HIVEP2: variants seen among roughly 807,000 people sequenced by gnomAD.
HIVEP2 encodes the protein transcription factor HIVEP2.
Under a neutral mutation model 180.7 loss-of-function variants are expected in HIVEP2, and 14 were observed. The observed-to-expected ratio is 0.08, with a 90% CI of 0.05 to 0.12. The LOEUF (loss-of-function observed/expected upper bound fraction) is 0.12. Among genes scored for constraint, HIVEP2 ranks in the 10% least tolerant of loss-of-function variants. The pLI, the probability that HIVEP2 is intolerant of heterozygous loss-of-function variation, is 1.00. For missense variants in HIVEP2, 2,579 were observed against 3,008.5 expected (o/e 0.86, Z 3.34); for synonymous variants, 1,184 against 1,136.4 (o/e 1.04, Z -0.84).
chr6:142,944,039 C>CA (rs1778242024), intron 1 of HIVEP2, among the ~76,000 whole-genome samples: 2 of 152,174 alleles, frequency 1.3e-5, no homozygotes, highest in African/African-American at 4.8e-5. Context: ...ACAAGCTTTC[C>CA]CGTTAGGGAA....
intron 1 of HIVEP2, among the ~76,000 whole-genome samples, chr6:142,942,418 C>T (rs1355558382): frequency 6.6e-6 from 1 of 152,136 alleles, no homozygotes; most frequent in Non-Finnish European, 1.5e-5. Flanking sequence ...GACACATGCA[C>T]CATTACTCCA....
chr6:142,846,833 A>G (rs1396277744), intron 1 of HIVEP2, among the ~76,000 whole-genome samples: 1 of 152,232 alleles, frequency 6.6e-6, no homozygotes, highest in Non-Finnish European at 1.5e-5. Context: ...TAAGAGTGTA[A>G]AAGAAATATC....
chr6:142,831,136 G>A (rs892418229), intron 2 of HIVEP2, among the ~76,000 whole-genome samples: 5 of 152,152 alleles, frequency 3.3e-5, no homozygotes, highest in Non-Finnish European at 7.4e-5. Context: ...AGGGTCGAGG[G>A]TCCTAAGAAA....
At chr6:142,904,375 A>G (rs1206947712) in intron 1 of HIVEP2, among the ~76,000 whole-genome samples, 2 of 152,222 alleles carry the variant, frequency 1.3e-5, no homozygotes, top group Admixed American at 6.5e-5. Context: ...AGTGTCACAT[A>G]TACTTTCCTT....
rs143252310 is a variant in HIVEP2 at position 142,875,342 on chromosome 6, G to A, written c.-640-38295C>T. Among the ~76,000 whole-genome samples the A allele has an allele frequency of 3.9e-5, 6 of 152,298 alleles. No homozygotes were observed. In the East Asian group the frequency reaches 1.2e-3, roughly 29 times the overall value. ...TGGAACCTATCTGGGAATGGGGTGT[G>A]TAGAGGAAAATGAGCCCAGAGAAGC... is the stretch of plus-strand genomic sequence containing the variant. On this transcript the variant is annotated intron_variant, in intron 1 of 9. Coordinates refer to ENST00000367603, the MANE Select transcript of HIVEP2 (RefSeq NM_006734.4).
chr6:142,756,451 A>G (rs1775070751), intron 9 of HIVEP2, among the ~76,000 whole-genome samples: 1 of 152,158 alleles, frequency 6.6e-6, no homozygotes, highest in East Asian at 1.9e-4. Context: ...CAGGAACAAA[A>G]ATCTGCATGG....
intron 2 of HIVEP2, among the ~76,000 whole-genome samples, chr6:142,808,453 G>A (rs1303635025): frequency 6.7e-6 from 1 of 149,302 alleles, no homozygotes; most frequent in Admixed American, 6.7e-5. Context: ...TGAAGAAAGG[G>A]ATGGAGGGAA....
rs1040275349 is a variant in HIVEP2 at position 142,767,110 on chromosome 6, C to T, written c.5342+1272G>A. ...CATACGCTTTTTCACTTGTGTCCTT[C>T]GTTAGTGGAGATGGGCTCCCCAAAG... is the stretch of plus-strand genomic sequence containing the variant. On this transcript the variant is annotated intron_variant, in intron 6 of 9. Coordinates refer to ENST00000367603, the MANE Select transcript of HIVEP2 (RefSeq NM_006734.4). 6.6e-5 allele frequency among the ~76,000 whole-genome samples: 10 copies of T among 152,172 alleles called. No homozygotes were observed. The South Asian group carries it at 8.3e-4, about 13-fold the overall frequency.
intron 2 of HIVEP2, among the ~76,000 whole-genome samples, chr6:142,801,117 A>G (rs2114758942): frequency 7.0e-6 from 1 of 143,418 alleles, no homozygotes; most frequent in African/African-American, 2.6e-5. Context: ...TTCAGTTCTG[A>G]TGTTCTCTGC....
intron 1 of HIVEP2, among the ~76,000 whole-genome samples, chr6:142,845,659 GCCAGAATTGATGTCCT>G (rs1044196006): frequency 6.6e-6 from 1 of 152,212 alleles, no homozygotes; most frequent in Non-Finnish European, 1.5e-5. Flanking sequence ...GATTTCCCGA[GCCAGAATTGATGTCCT>G]CACTAACCAG....
chr6:142,912,627 C>A (rs927128442), intron 1 of HIVEP2, among the ~76,000 whole-genome samples: 1 of 152,244 alleles, frequency 6.6e-6, no homozygotes, highest in African/African-American at 2.4e-5. Flanking sequence ...GCCTGAGCTC[C>A]ACCTCCTATC....
chr6:142,779,778 T>A (rs2114683349), intron 3 of HIVEP2, among the ~76,000 whole-genome samples: 1 of 152,338 alleles, frequency 6.6e-6, no homozygotes. Context: ...AAATCAGACA[T>A]TTAATTTTTA....
chr6:142,764,580 G>T (rs1775333514), intron 7 of HIVEP2, among the ~76,000 whole-genome samples: 1 of 152,182 alleles, frequency 6.6e-6, no homozygotes, highest in Non-Finnish European at 1.5e-5. Flanking sequence ...AACTGGCCTG[G>T]ACCTATGTCT....
rs1316696726 is a variant in HIVEP2, at chr6:142,943,299, A to T, written c.-641+1800T>A. On this transcript the variant is annotated intron_variant, in intron 1 of 9. Transcript: ENST00000367603. The surrounding 1 kb of genome is among the most constrained non-coding windows in gnomAD (Gnocchi z 4.5). The stretch of plus-strand genomic sequence containing the variant: ...GAAAAAGCAATGAGACATTTGCTAC[A>T]TATGTAGCAAACATATGGGATCTAT... Among the ~76,000 whole-genome samples, 2 of 152,234 alleles carry T rather than the reference A, an allele frequency of 1.3e-5. No homozygotes were observed. The highest frequency in any genetic ancestry group is 2.9e-5 in the Non-Finnish European group (2 of 68,044).
intron 2 of HIVEP2, among the ~76,000 whole-genome samples, chr6:142,786,920 G>A (rs1392531137): frequency 6.6e-6 from 1 of 152,112 alleles, no homozygotes; most frequent in African/African-American, 2.4e-5. Flanking sequence ...CACAATTTTA[G>A]GAGAAGAGCT....
Position 142,772,114 on chromosome 6 carries a change from G to A in HIVEP2, c.2625C>T (p.His875=), listed in dbSNP as rs762763490. Residue 875 remains histidine, a synonymous_variant, in exon 5 of 10, where the codon CAC becomes CAT. Transcript: ENST00000367603. This position sits in a 1 kb window ranked among gnomAD's most constrained non-coding sequence, Gnocchi z 4.9. ...PSQQVQQQSY[H]TQPRLVRQHN... ...GTTGCCGAACTAGCCTGGGCTGTGT[G>A]TGATAGGACTGCTGCTGCACCTGCT... 6.2e-7 allele frequency: 1 copy of A among 1,614,186 alleles called. No homozygotes were observed. Among genetic ancestry groups the A allele is most frequent in the South Asian group, 1.1e-5 (1 of 91,090 alleles).
At chr6:142,857,140 C>A (rs561862795) in intron 1 of HIVEP2, among the ~76,000 whole-genome samples, 1 of 151,776 alleles carries the variant, frequency 6.6e-6, no homozygotes, top group East Asian at 1.9e-4. Context: ...TGTCACCAAC[C>A]AGCGAATGCC....
intron 1 of HIVEP2, among the ~76,000 whole-genome samples, chr6:142,849,475 C>G (rs539773257): frequency 6.6e-6 from 1 of 151,972 alleles, no homozygotes; most frequent in East Asian, 1.9e-4. Flanking sequence ...GTATTGAAGA[C>G]TATTAGCATC....
chr6:142,778,886 T>C (rs1461927463), intron 3 of HIVEP2, among the ~76,000 whole-genome samples: 3 of 152,198 alleles, frequency 2.0e-5, no homozygotes, highest in Non-Finnish European at 2.9e-5. Flanking sequence ...ATATGAAATG[T>C]CTCAACTTTT....
Sources: allele counts gnomAD v4.1 joint callset (sites outside exome capture counted in the v4.1 genomes callset), GRCh38; gene constraint gnomAD v4.1.1; non-coding constraint Gnocchi (gnomAD v3.1); transcripts MANE v1.5; gene names NCBI Gene and HGNC (gene_info 2026-07-23, HGNC 2026-07-21).